The following SBF2 variants were observed in gnomAD, a reference collection of about 807,000 sequenced individuals.
SBF2 encodes myotubularin-related protein 13.
Under a neutral mutation model 225.2 loss-of-function variants are expected in SBF2, and 112 were observed. The ratio of observed to expected loss-of-function variants is 0.50; its 90% CI spans 0.43 to 0.58. The LOEUF is 0.58. Among genes scored for constraint, SBF2 ranks in the 20% least tolerant of loss-of-function variants. The pLI is 0.00. For synonymous variants in SBF2, 763 were observed against 773.3 expected (o/e 0.99, Z 0.22); for missense variants, 1,996 against 2,206.2 (o/e 0.90, Z 1.91).
At chr11:10,300,811 C>CTCTCT (rs1555113395) in intron 1 of SBF2, among the ~76,000 whole-genome samples, 173 of 138,122 alleles carry the variant, frequency 1.3e-3, no homozygotes, top group African/African-American at 4.5e-3. Context: ...CTCTCTCTCT[C>CTCTCT]TTTTTTTTTT....
chr11:9,952,203 T>C (rs7342224), intron 16 of SBF2, among the ~76,000 whole-genome samples: 17,348 of 152,050 alleles, frequency 0.11, 1,114 homozygotes, highest in Non-Finnish European at 0.13. Flanking sequence ...CCAGACCTAG[T>C]ATCTTCCAGG....
chr11:10,170,181 G>C (rs1370502876), intron 2 of SBF2, among the ~76,000 whole-genome samples: 2 of 152,082 alleles, frequency 1.3e-5, no homozygotes, highest in Non-Finnish European at 2.9e-5. Context: ...CTGTGCTTAT[G>C]GGGTATTACT....
intron 2 of SBF2, among the ~76,000 whole-genome samples, chr11:10,088,085 G>A (rs1389421165): frequency 2.7e-5 from 4 of 150,384 alleles, no homozygotes; most frequent in Admixed American, 6.6e-5. Context: ...GTGCAGTGGC[G>A]TGATCTCAGC....
intron 1 of SBF2, among the ~76,000 whole-genome samples, chr11:10,267,327 G>C (rs1962095067): frequency 6.6e-6 from 1 of 151,834 alleles, no homozygotes; most frequent in Non-Finnish European, 1.5e-5. Context: ...AGACACTTAA[G>C]TCCCTATTAC....
intron 2 of SBF2, among the ~76,000 whole-genome samples, chr11:10,176,821 A>G (rs1381353426): frequency 6.6e-6 from 1 of 152,194 alleles, no homozygotes; most frequent in East Asian, 1.9e-4. Flanking sequence ...AAAAGAAGGA[A>G]TCCTCCCTAA....
At chr11:10,212,549 G>A (rs1439888555) in intron 1 of SBF2, among the ~76,000 whole-genome samples, 1 of 152,192 alleles carries the variant, frequency 6.6e-6, no homozygotes, top group Non-Finnish European at 1.5e-5. Context: ...GATTTGTAAA[G>A]TGATAAATCT....
intron 1 of SBF2, among the ~76,000 whole-genome samples, chr11:10,217,010 AAAGTAT>A (rs1406366922): frequency 1.6e-4 from 25 of 152,354 alleles, no homozygotes; most frequent in African/African-American, 5.8e-4. Context: ...CTAAAAATAG[AAAGTAT>A]AAGTATACCA....
intron 1 of SBF2, among the ~76,000 whole-genome samples, chr11:10,291,800 C>G (rs1964176891): frequency 1.3e-5 from 2 of 152,076 alleles, no homozygotes; most frequent in Admixed American, 6.5e-5. Flanking sequence ...ATTAACTTTA[C>G]AGTGGAGAAG....
chr11:9,975,004 A>C (rs1946622950), intron 13 of SBF2, among the ~76,000 whole-genome samples: 1 of 149,782 alleles, frequency 6.7e-6, no homozygotes, highest in South Asian at 2.1e-4. Flanking sequence ...AAAGAAACCA[A>C]CTGACAATAC....
At chr11:9,909,701 C>G (rs1862437965) in intron 16 of SBF2, among the ~76,000 whole-genome samples, 1 of 150,490 alleles carries the variant, frequency 6.6e-6, no homozygotes. Context: ...ACCCTGACGA[C>G]TTTGTGGTAA....
At chr11:10,076,278 C>G (rs1406590096) in intron 2 of SBF2, among the ~76,000 whole-genome samples, 3 of 152,192 alleles carry the variant, frequency 2.0e-5, no homozygotes, top group Admixed American at 1.3e-4. Context: ...AGAAAGTGCT[C>G]CATATGCACT....
rs142649004 is a variant in SBF2, at chr11:9,846,443, G to A, written c.2934+513C>T. 3.0e-3 allele frequency among the ~76,000 whole-genome samples: 461 copies of A among 152,272 alleles called. 4 individuals carry two copies. The highest frequency in any genetic ancestry group is 0.011 in the African/African-American group (449 of 41,554). ...GGTCACTTCTTCCAGGGTCTGGTTT[G>A]CATTATTCAATAATTATTGAGTTAT... On this transcript the variant is annotated intron_variant, in intron 23 of 39. Transcript: ENST00000256190.
intron 1 of SBF2, among the ~76,000 whole-genome samples, chr11:10,235,557 T>C (rs926213892): frequency 1.4e-4 from 21 of 150,514 alleles, no homozygotes; most frequent in Admixed American, 1.3e-4. Context: ...AAAAACTCAA[T>C]TGAGAACCTT....
chr11:10,292,259 T>C (rs1426294861), intron 1 of SBF2, among the ~76,000 whole-genome samples: 1 of 152,238 alleles, frequency 6.6e-6, no homozygotes, highest in Non-Finnish European at 1.5e-5. Context: ...CATTCTTGTT[T>C]GCAGAAAATG....
chr11:9,839,369 C>G (rs1855947938), intron 26 of SBF2, 129 bp downstream of exon 26: 1 of 916,148 alleles, frequency 1.1e-6, no homozygotes, highest in Non-Finnish European at 1.8e-6. Flanking sequence ...TGCTCGTATC[C>G]TGGAGACCTT....
chr11:9,926,557 T>C (rs4910083), intron 16 of SBF2, among the ~76,000 whole-genome samples: 77,777 of 151,910 alleles, frequency 0.51, 20,350 homozygotes, highest in African/African-American at 0.6. Flanking sequence ...TATCTGAACA[T>C]GATAGAAGTT....
intron 2 of SBF2, among the ~76,000 whole-genome samples, chr11:10,165,721 C>A (rs1955920159): frequency 6.6e-6 from 1 of 152,130 alleles, no homozygotes; most frequent in South Asian, 2.1e-4. Flanking sequence ...CCACATTCTG[C>A]CCTGCCTAAG....
intron 2 of SBF2, among the ~76,000 whole-genome samples, chr11:10,186,340 C>G (rs1174407953): frequency 4.6e-5 from 7 of 152,030 alleles, no homozygotes; most frequent in Non-Finnish European, 1.0e-4. Flanking sequence ...GAGTTTGAGA[C>G]CAGCCTGGGA....
chr11:9,839,559 G>T lies in SBF2; in HGVS notation c.3394C>A (p.Arg1132Ser). 6.2e-7 allele frequency: 1 copy of T among 1,614,148 alleles called. No homozygotes were observed. The highest frequency in any genetic ancestry group is 8.5e-7 in the Non-Finnish European group (1 of 1,180,008). ...GLGTISGSSS[R>S]SRPEYFRITA... Reference sequence around the variant, plus strand: ...ATTCTAAAATACTCGGGTCTTGAACGGGAAGAGCTGCCACTTATGGTTCCT... The same window carrying T: ...ATTCTAAAATACTCGGGTCTTGAACTGGAAGAGCTGCCACTTATGGTTCCT... The change falls in exon 26 of 40, where the codon CGT (arginine) becomes AGT (serine). Residue 1132 changes from arginine (R) to serine (S), a missense_variant. Physicochemically the swap from Arg to Ser is moderately radical, Grantham distance 110 (BLOSUM62 -1). Transcript: ENST00000256190.
Sources: allele counts gnomAD v4.1 joint callset (sites outside exome capture counted in the v4.1 genomes callset), GRCh38; gene constraint gnomAD v4.1.1; transcripts MANE v1.5; gene names NCBI Gene and HGNC (gene_info 2026-07-23, HGNC 2026-07-21).